ZYG11B: variants seen among roughly 807,000 people sequenced by gnomAD.
ZYG11B encodes protein zyg-11 homolog B.
A neutral mutation model predicts 82.4 loss-of-function variants in ZYG11B; 36 were observed. The observed-to-expected ratio is 0.44, with a 90% CI of 0.33 to 0.58. The LOEUF is 0.58. Among genes scored for constraint, ZYG11B ranks in the 20% least tolerant of loss-of-function variants. The pLI is 0.02. For synonymous variants in ZYG11B, 303 were observed against 312.8 expected, an observed-to-expected ratio of 0.97 and a Z score of 0.33; for missense variants, 552 against 895.6, an observed-to-expected ratio of 0.62 and a Z score of 4.90.
At chr1:52,780,291 T>C (rs1005529569) in intron 4 of ZYG11B, among the ~76,000 whole-genome samples, 1 of 152,166 alleles carries the variant, frequency 6.6e-6, no homozygotes, top group Non-Finnish European at 1.5e-5. Flanking sequence ...TGAAAGTATA[T>C]GACTGGAATC....
chr1:52,754,670 C>A (rs993005203), intron 1 of ZYG11B, among the ~76,000 whole-genome samples: 6 of 152,234 alleles, frequency 3.9e-5, no homozygotes, highest in African/African-American at 1.4e-4. Context: ...GCATTAGCCA[C>A]CGTGCCCTTT....
intron 13 of ZYG11B, among the ~76,000 whole-genome samples, chr1:52,817,623 C>T (rs1322070857): frequency 6.7e-6 from 1 of 149,932 alleles, no homozygotes; most frequent in Non-Finnish European, 1.5e-5. Flanking sequence ...TAGGCTCGAA[C>T]GATCTGCCTG....
At position 52,823,495 on chromosome 1, in the gene ZYG11B, CA is replaced by C. The variant is rs1262583795; in HGVS notation, c.*1870del. 4.1e-5 allele frequency: 6 copies of C among 148,122 alleles called. No homozygotes were observed. The highest frequency in any genetic ancestry group is 1.5e-4 in the African/African-American group (6 of 40,356). The allele number at this position is 148,122 out of a possible 1,614,324, so 9.2% of individuals were successfully genotyped here. A position where few individuals can be genotyped will look rare whatever the true frequency, so the allele number is the denominator to read the frequency against. ...TTTCACAGACTAAGTTTATTTCAGA[CA>C]AAATAGAGAATTCTTTTAAAAGTTT... On this transcript the variant is annotated 3_prime_UTR_variant, in exon 14 of 14. Coordinates refer to ENST00000294353, the MANE Select transcript of ZYG11B (RefSeq NM_024646.3).
Position 52,790,073 on chromosome 1 carries a change from T to TGATA in ZYG11B, c.1334+8_1334+11dup. Reference sequence around the variant, plus strand: ...CAAGATGTTCCATTTAACAGGCAAGTGATAGCTCTAGAACTTAAAGTGGGG... The same window carrying TGATA: ...CAAGATGTTCCATTTAACAGGCAAGTGATAGATAGCTCTAGAACTTAAAGTGGGG... On this transcript the variant is annotated splice_region_variant and intron_variant, in intron 6 of 13. Coordinates refer to ENST00000294353, the MANE Select transcript of ZYG11B (RefSeq NM_024646.3). The TGATA allele has an allele frequency of 6.3e-7, 1 of 1,590,720 alleles. No individual in the cohort carries two copies. Among genetic ancestry groups the TGATA allele is most frequent in the Non-Finnish European group, 8.6e-7 (1 of 1,165,932 alleles).
intron 8 of ZYG11B, among the ~76,000 whole-genome samples, chr1:52,801,444 A>G (rs554808785): frequency 6.6e-6 from 1 of 152,210 alleles, no homozygotes; most frequent in Non-Finnish European, 1.5e-5. Context: ...ACAATATAGA[A>G]TATAATTTGC....
intron 6 of ZYG11B, among the ~76,000 whole-genome samples, chr1:52,794,197 A>G (rs915578620): frequency 3.9e-5 from 6 of 152,020 alleles, no homozygotes; most frequent in African/African-American, 7.2e-5. Context: ...GATGGTCTCT[A>G]TCTCTTGACC....
intron 6 of ZYG11B, among the ~76,000 whole-genome samples, chr1:52,795,278 T>G (rs986892894): frequency 6.6e-6 from 1 of 152,150 alleles, no homozygotes; most frequent in African/African-American, 2.4e-5. Flanking sequence ...TTCACCCATG[T>G]AGGATGTGCC....
chr1:52,776,229 A>AAAAAAAAAAAAAAAAAATATATATAT lies in ZYG11B; in HGVS notation c.952-3623_952-3622insAAAAAAAAAAAAAAAATATATATATA. On this transcript the variant is annotated intron_variant, in intron 3 of 13. Coordinates refer to ENST00000294353, the MANE Select transcript of ZYG11B (RefSeq NM_024646.3). ...AGCAAAACTCTGTCTTAAAAAAAAA[A>AAAAAAAAAAAAAAAAAATATATATAT]ATATATATATATATATGCAATAAAG... Among the ~76,000 whole-genome samples, 54 of 23,504 alleles carry AAAAAAAAAAAAAAAAAATATATATAT rather than the reference A, an allele frequency of 2.3e-3. 1 individual carries two copies. The highest frequency in any genetic ancestry group is 5.0e-3 in the African/African-American group (53 of 10,512). 15.4% of individuals were successfully genotyped at this position (23,504 alleles called of 152,430 possible).
At chr1:52,727,203 G>A (rs1362689779) in intron 1 of ZYG11B, among the ~76,000 whole-genome samples, 1 of 151,420 alleles carries the variant, frequency 6.6e-6, no homozygotes, top group Non-Finnish European at 1.5e-5. Flanking sequence ...TCCTCGCTCG[G>A]TTCGCCGTCG....
At chr1:52,729,938 G>C (rs185280432) in intron 1 of ZYG11B, among the ~76,000 whole-genome samples, 1 of 152,078 alleles carries the variant, frequency 6.6e-6, no homozygotes, top group African/African-American at 2.4e-5. Flanking sequence ...CTCCCAAGTA[G>C]CTGGGACCAC....
Position 52,824,741 on chromosome 1 carries a change from A to T in ZYG11B, c.*3112A>T, listed in dbSNP as rs983112088. The T allele has an allele frequency of 6.6e-6, 1 of 152,172 alleles. No homozygotes were observed. Among genetic ancestry groups the T allele is most frequent in the Non-Finnish European group, 1.5e-5 (1 of 68,020 alleles). 9.4% of individuals were successfully genotyped at this position (152,172 alleles called of 1,614,324 possible). On this transcript the variant is annotated 3_prime_UTR_variant, in exon 14 of 14. Coordinates refer to ENST00000294353, the MANE Select transcript of ZYG11B (RefSeq NM_024646.3). ...CTAAAATTGCGTATAGAATTAAGGC[A>T]CAGAATTGTGTGTAAGGTCCTGAAT...
intron 10 of ZYG11B, 82 bp downstream of exon 10, chr1:52,802,221 C>G: frequency 7.3e-7 from 1 of 1,372,994 alleles, no homozygotes. Flanking sequence ...TGCAGCTCTG[C>G]AGTGGCAGTA....
chr1:52,805,939 A>G (rs1353706748), intron 10 of ZYG11B, among the ~76,000 whole-genome samples: 1 of 152,168 alleles, frequency 6.6e-6, no homozygotes, highest in Non-Finnish European at 1.5e-5. Flanking sequence ...GAAACAGTGC[A>G]AAACTGTATT....
chr1:52,822,947 T>C lies in ZYG11B; in HGVS notation c.*1318T>C, dbSNP rs1338917688. The C allele has an allele frequency of 6.6e-6, 1 of 152,210 alleles. No individual in the cohort carries two copies. The highest frequency in any genetic ancestry group is 1.5e-5 in the Non-Finnish European group (1 of 68,038). 9.4% of individuals were successfully genotyped at this position (152,210 alleles called of 1,614,324 possible). A position where few individuals can be genotyped will look rare whatever the true frequency, so the allele number is the denominator to read the frequency against. The stretch of plus-strand genomic sequence containing the variant: ...ATCTACAATCCCAGATAACTACATT[T>C]TTTTTCATAGATGGCCAGTGTTTTC... On this transcript the variant is annotated 3_prime_UTR_variant, in exon 14 of 14. Coordinates refer to ENST00000294353, the MANE Select transcript of ZYG11B (RefSeq NM_024646.3).
At position 52,771,796 on chromosome 1, in the gene ZYG11B, A is replaced by G. The variant is rs763907629; in HGVS notation, c.951+22A>G. 1.6e-5 allele frequency: 25 copies of G among 1,586,180 alleles called. No individual in the cohort carries two copies. Among genetic ancestry groups the G allele is most frequent in the Admixed American group, 7.2e-5 (4 of 55,580 alleles). On this transcript the variant is annotated intron_variant, in intron 3 of 13. Transcript: ENST00000294353. This position sits in a 1 kb window ranked among gnomAD's most constrained non-coding sequence, Gnocchi z 5.4. Reference sequence around the variant, plus strand: ...GAAGGTTAGACTTTAAAAATGTATTATTTTGTCAGGCTGACCAATATCTTA... The same window carrying G: ...GAAGGTTAGACTTTAAAAATGTATTGTTTTGTCAGGCTGACCAATATCTTA...
chr1:52,767,022 AT>A (rs1644696379), intron 2 of ZYG11B, among the ~76,000 whole-genome samples: 3 of 144,470 alleles, frequency 2.1e-5, no homozygotes, highest in East Asian at 2.1e-4. Flanking sequence ...AAAAAAAATT[AT>A]TTTATTTTAT....
At chr1:52,790,130 C>A (rs1311631220) in intron 6 of ZYG11B, 63 bp downstream of exon 6, 10 of 1,141,666 alleles carry the variant, frequency 8.8e-6, no homozygotes, top group South Asian at 3.7e-5. Context: ...TGTCTTGGGT[C>A]ATTTCTTACC....
At chr1:52,797,111 T>TTTATATA (rs1351844214) in intron 8 of ZYG11B, among the ~76,000 whole-genome samples, 1 of 68,218 alleles carries the variant, frequency 1.5e-5, no homozygotes, top group South Asian at 4.1e-4. Flanking sequence ...ATTGTATATA[T>TTTATATA]TTATATATTA....
chr1:52,743,403 A>T (rs942610408), intron 1 of ZYG11B, among the ~76,000 whole-genome samples: 1 of 20,052 alleles, frequency 5.0e-5, no homozygotes, highest in African/African-American at 6.4e-4. Context: ...AATAAATACT[A>T]AAAAAAAAAA....
Sources: gnomAD v4.1 joint callset for allele counts (sites outside exome capture counted in the v4.1 genomes callset) on GRCh38, gnomAD v4.1.1 for gene constraint, Gnocchi (gnomAD v3.1) non-coding constraint, MANE v1.5 for transcripts, NCBI Gene and HGNC (gene_info 2026-07-23, HGNC 2026-07-21) for gene names.